ITPRID1: variants seen among roughly 807,000 people sequenced by gnomAD.
The protein encoded by ITPRID1 is protein ITPRID1.
Under a neutral mutation model 95.4 loss-of-function variants are expected in ITPRID1, and 96 were observed. The ratio of observed to expected loss-of-function variants is 1.01; its 90% CI spans 0.85 to 1.19. The LOEUF is 1.19. Among genes scored for constraint, ITPRID1 ranks in the 50% most tolerant of loss-of-function variants. The pLI, the probability that ITPRID1 is intolerant of heterozygous loss-of-function variation, is 0.00. For synonymous variants in ITPRID1, 510 were observed against 453.6 expected, an observed-to-expected ratio of 1.12 and a Z score of -1.58; for missense variants, 1,339 against 1,252.9, an observed-to-expected ratio of 1.07 and a Z score of -1.04.
intron 10 of ITPRID1, among the ~76,000 whole-genome samples, chr7:31,591,730 G>A (rs1039480835): frequency 2.6e-5 from 4 of 152,112 alleles, no homozygotes; most frequent in African/African-American, 9.7e-5. Flanking sequence ...GATCCCATAT[G>A]GAAAGGGTTA....
chr7:31,610,861 G>A (rs1251364764), intron 10 of ITPRID1, among the ~76,000 whole-genome samples: 2 of 151,304 alleles, frequency 1.3e-5, no homozygotes, highest in Non-Finnish European at 3.0e-5. Flanking sequence ...AATTTAAAAT[G>A]TTTCTCTTGT....
chr7:31,613,701 A>G (rs1460453806), intron 10 of ITPRID1, among the ~76,000 whole-genome samples: 1 of 152,182 alleles, frequency 6.6e-6, no homozygotes, highest in Non-Finnish European at 1.5e-5. Flanking sequence ...TTCTATCTAA[A>G]GCCAAATCCA....
intron 5 of ITPRID1, among the ~76,000 whole-genome samples, chr7:31,555,991 A>G (rs148459440): frequency 6.6e-6 from 1 of 152,122 alleles, no homozygotes; most frequent in Non-Finnish European, 1.5e-5. Context: ...AATAATTCAG[A>G]CTCAAGGAAA....
At chr7:31,521,730 CT>C (rs1464451506) in intron 1 of ITPRID1, among the ~76,000 whole-genome samples, 31 of 124,124 alleles carry the variant, frequency 2.5e-4, no homozygotes, top group Non-Finnish European at 4.6e-4. Flanking sequence ...TTCCTTCTTT[CT>C]TTCTTTTGAC....
chr7:31,614,672 T>TA (rs1462015559), intron 10 of ITPRID1, among the ~76,000 whole-genome samples: 4 of 152,200 alleles, frequency 2.6e-5, no homozygotes, highest in Non-Finnish European at 4.4e-5. Flanking sequence ...TTAAAGGTTA[T>TA]AAAAAACAAA....
chr7:31,632,218 G>A (rs1327343849), intron 10 of ITPRID1, among the ~76,000 whole-genome samples: 1 of 152,116 alleles, frequency 6.6e-6, no homozygotes, highest in Non-Finnish European at 1.5e-5. Context: ...GGTGGCTGAG[G>A]CAGGTGGATC....
intron 1 of ITPRID1, among the ~76,000 whole-genome samples, chr7:31,549,088 C>T (rs1297345445): frequency 6.6e-6 from 1 of 152,106 alleles, no homozygotes; most frequent in Non-Finnish European, 1.5e-5. Flanking sequence ...ATGCCTCGGG[C>T]TGTTCTCCCA....
chr7:31,603,349 C>T (rs1394422703), intron 10 of ITPRID1, among the ~76,000 whole-genome samples: 1 of 152,070 alleles, frequency 6.6e-6, no homozygotes, highest in East Asian at 1.9e-4. Flanking sequence ...CACATTGGCT[C>T]CTGTGACATT....
At chr7:31,565,276 T>C (rs562735119) in intron 5 of ITPRID1, among the ~76,000 whole-genome samples, 1 of 152,342 alleles carries the variant, frequency 6.6e-6, no homozygotes, top group Non-Finnish European at 1.5e-5. Flanking sequence ...TTAATAATTT[T>C]ATAACAACTT....
At chr7:31,542,152 G>A (rs1417721717) in intron 1 of ITPRID1, among the ~76,000 whole-genome samples, 6 of 152,010 alleles carry the variant, frequency 3.9e-5, no homozygotes, top group Admixed American at 6.6e-5. Context: ...TTAACTTTTA[G>A]CAACCTTTAC....
chr7:31,521,394 G>C (rs1483379089), intron 1 of ITPRID1, among the ~76,000 whole-genome samples: 1 of 151,844 alleles, frequency 6.6e-6, no homozygotes, highest in South Asian at 2.1e-4. Context: ...TTCAATTATT[G>C]GTTTTTAGTT....
At chr7:31,597,014 G>A (rs1786116904) in intron 10 of ITPRID1, among the ~76,000 whole-genome samples, 2 of 151,728 alleles carry the variant, frequency 1.3e-5, no homozygotes, top group African/African-American at 2.4e-5. Flanking sequence ...TACATTAACA[G>A]TTCTGAAAAG....
At chr7:31,632,222 G>T (rs1789068233) in intron 10 of ITPRID1, among the ~76,000 whole-genome samples, 1 of 152,176 alleles carries the variant, frequency 6.6e-6, no homozygotes, top group Non-Finnish European at 1.5e-5. Context: ...GCTGAGGCAG[G>T]TGGATCATGA....
intron 10 of ITPRID1, among the ~76,000 whole-genome samples, chr7:31,602,015 A>C (rs188016677): frequency 2.0e-5 from 3 of 151,070 alleles, no homozygotes; most frequent in African/African-American, 7.3e-5. Flanking sequence ...TGGCTGTTTA[A>C]CTGCAGCAGG....
intron 1 of ITPRID1, among the ~76,000 whole-genome samples, chr7:31,525,843 A>G (rs1562547694): frequency 2.0e-5 from 3 of 152,220 alleles, no homozygotes; most frequent in South Asian, 4.1e-4. Context: ...TACTTAGGAA[A>G]GAATTGCCTC....
intron 10 of ITPRID1, among the ~76,000 whole-genome samples, chr7:31,593,008 A>T (rs1458932881): frequency 1.3e-5 from 2 of 152,222 alleles, no homozygotes; most frequent in African/African-American, 2.4e-5. Context: ...AATTTCATTT[A>T]AGAATTAACA....
chr7:31,595,120 G>A (rs1429380744), intron 10 of ITPRID1, among the ~76,000 whole-genome samples: 1 of 136,900 alleles, frequency 7.3e-6, no homozygotes, highest in Middle Eastern at 4.7e-3. Context: ...CACCCAGGCT[G>A]GAGTGCAACC....
intron 1 of ITPRID1, among the ~76,000 whole-genome samples, chr7:31,534,472 A>G (rs991653536): frequency 2.0e-5 from 3 of 152,064 alleles, no homozygotes; most frequent in Non-Finnish European, 2.9e-5. Flanking sequence ...TTTAAGATTG[A>G]GTCTTCTTGA....
chr7:31,616,241 ATTAAT>A (rs1225617540), intron 10 of ITPRID1, among the ~76,000 whole-genome samples: 4 of 152,148 alleles, frequency 2.6e-5, no homozygotes, highest in South Asian at 2.1e-4. Flanking sequence ...CCTCTTTTTG[ATTAAT>A]TTAAATGTAA....
Sources: gnomAD v4.1 joint callset for allele counts (sites outside exome capture counted in the v4.1 genomes callset) on GRCh38, gnomAD v4.1.1 for gene constraint, MANE v1.5 for transcripts, NCBI Gene and HGNC (gene_info 2026-07-23, HGNC 2026-07-21) for gene names.